PIEZO1: variants seen among roughly 807,000 people sequenced by gnomAD.
PIEZO1 encodes the protein piezo-type mechanosensitive ion channel component 1.
A neutral mutation model predicts 297.2 loss-of-function variants in PIEZO1; 296 were observed. The observed-to-expected ratio is 1.00, with a 90% CI of 0.91 to 1.10. The LOEUF (loss-of-function observed/expected upper bound fraction) is 1.10. Among genes scored for constraint, PIEZO1 ranks in the 50% least tolerant of loss-of-function variants. The pLI, the probability that PIEZO1 is intolerant of heterozygous loss-of-function variation, is 0.00. For missense variants in PIEZO1, 5,018 were observed against 3,455.5 expected, an observed-to-expected ratio of 1.45 and a Z score of -11.34; for synonymous variants, 2,427 against 1,507.5, an observed-to-expected ratio of 1.61 and a Z score of -14.13.
chr16:88,715,356 T>TAAATA lies in PIEZO1; in HGVS notation c.*244_*248dup. ...ACTGGCCTCTGATTGTCCATTTGTATAAATAAAACATTTTTTAATTAAAAA... is the reference window on the plus strand; with the variant it reads ...ACTGGCCTCTGATTGTCCATTTGTATAAATAAAATAAAACATTTTTTAATTAAAAA... On this transcript the variant is annotated 3_prime_UTR_variant, in exon 51 of 51. Coordinates refer to ENST00000301015, the MANE Select transcript of PIEZO1 (RefSeq NM_001142864.4). 9 of 1,240,742 alleles carry TAAATA rather than the reference T, an allele frequency of 7.3e-6. No homozygotes were observed. Among genetic ancestry groups the TAAATA allele is most frequent in the Non-Finnish European group, 1.0e-5 (9 of 903,776 alleles). 76.9% of individuals were successfully genotyped at this position (1,240,742 alleles called of 1,614,324 possible). A position where few individuals can be genotyped will look rare whatever the true frequency, so the allele number is the denominator to read the frequency against.
At chr16:88,717,857 G>A (rs976216698) in intron 44 of PIEZO1, 1 of 430,118 alleles carries the variant, frequency 2.3e-6, no homozygotes, top group Non-Finnish European at 4.6e-6. Flanking sequence ...CAACTGCTGG[G>A]TGTGGCGGCT....
intron 1 of PIEZO1, among the ~76,000 whole-genome samples, chr16:88,755,067 G>A (rs999165691): frequency 1.3e-5 from 2 of 152,086 alleles, no homozygotes; most frequent in Admixed American, 6.5e-5. Context: ...CGGCCATCAC[G>A]TCACCGCCGC....
chr16:88,728,094 G>T (rs544142467), intron 22 of PIEZO1, among the ~76,000 whole-genome samples: 2 of 152,370 alleles, frequency 1.3e-5, no homozygotes, highest in African/African-American at 4.8e-5. Flanking sequence ...GGATCCATGC[G>T]ACAGCCTAGA....
chr16:88,718,795 ACTC>A (rs1912225774), intron 44 of PIEZO1: 1 of 152,806 alleles, frequency 6.5e-6, no homozygotes, highest in Non-Finnish European at 1.5e-5. Flanking sequence ...GCAGCCCTGT[ACTC>A]CTGGCCTCAA....
chr16:88,723,150 T>A lies in PIEZO1; in HGVS notation c.4440A>T (p.Gly1480=), dbSNP rs752381535. 3.9e-6 allele frequency: 6 copies of A among 1,549,218 alleles called. No homozygotes were observed. In the South Asian group the frequency reaches 5.9e-5, roughly 15 times the overall value. ...GCTCCACCTCCTGGCTGGGACCACC[T>A]CCTGGGCACAGGATGCTGGTGAGTG... ...RQEQAGQLPT[G]GGPSQEVEPA... The change falls in exon 33 of 51, where the codon GGA becomes GGT. Residue 1480 remains glycine (G), a splice_region_variant and synonymous_variant. Transcript: ENST00000301015.
rs1458818902 is a variant in PIEZO1, at chr16:88,721,196, C to A, written c.5638G>T (p.Gly1880Cys). The change falls in exon 39 of 51, where the codon GGC becomes TGC. Residue 1880 changes from glycine (G) to cysteine (C), a missense_variant. Transcript: ENST00000301015. Reference protein sequence around the residue: ...SLRFRRRKKEGPARKGAAAIE... With the variant: ...SLRFRRRKKECPARKGAAAIE... ...GCTGCCGCTCCTTTCCGTGCTGGGC[C>A]CTCCTTCTTCCTTCTTCTAAAACGT... The A allele has an allele frequency of 3.9e-5, 58 of 1,504,506 alleles. No individual in the cohort carries two copies. The highest frequency in any genetic ancestry group is 2.2e-5 in the Non-Finnish European group (25 of 1,124,700). 93.2% of individuals were successfully genotyped at this position (1,504,506 alleles called of 1,614,324 possible).
At position 88,720,218 on chromosome 16, in the gene PIEZO1, C is replaced by T. The variant is rs1912331717; in HGVS notation, c.6015G>A (p.Leu2005=). The T allele has an allele frequency of 6.4e-7, 1 of 1,550,556 alleles. No homozygotes were observed. The highest frequency in any genetic ancestry group is 1.4e-5 in the African/African-American group (1 of 73,156). ...LSDDQVPEAF[L]VMLLIQFSTM... is the part of the protein sequence containing the mutation. ...TACTGAACTGGATCAGCAGCATGAC[C>T]AGGAAAGCCTCGGGTACCTGGTCGT... Residue 2005 remains leucine (L), a synonymous_variant, in exon 42 of 51, where the codon CTG becomes CTA. Coordinates refer to ENST00000301015, the MANE Select transcript of PIEZO1 (RefSeq NM_001142864.4).
At chr16:88,750,845 C>A (rs1273160979) in intron 1 of PIEZO1, among the ~76,000 whole-genome samples, 1 of 152,088 alleles carries the variant, frequency 6.6e-6, no homozygotes, top group East Asian at 1.9e-4. Flanking sequence ...ATCCTCCAGC[C>A]CACTATCCAC....
Position 88,715,810 on chromosome 16 carries a change from A to T in PIEZO1, c.7361T>A (p.Phe2454Tyr), listed in dbSNP as rs1378440707. The T allele has an allele frequency of 6.5e-7, 1 of 1,550,194 alleles. No homozygotes were observed. The highest frequency in any genetic ancestry group is 8.7e-7 in the Non-Finnish European group (1 of 1,146,960). ...GATCTCGCTGAAGAATCCGCGCACG[A>T]ACTTGCCGATGACCAGCACGATGGA... ...YVSIVLVIGK[F>Y]VRGFFSEISH... The change falls in exon 51 of 51, where the codon TTC becomes TAC. Residue 2454 changes from phenylalanine to tyrosine, a missense_variant. By Grantham distance (22) the Phe-to-Tyr change is conservative. Coordinates refer to ENST00000301015, the MANE Select transcript of PIEZO1 (RefSeq NM_001142864.4).
Position 88,731,853 on chromosome 16 carries a change from G to C in PIEZO1, c.3049C>G (p.Leu1017Val), listed in dbSNP as rs752844197. 2.0e-6 allele frequency: 3 copies of C among 1,492,416 alleles called. No individual in the cohort carries two copies. Among genetic ancestry groups the C allele is most frequent in the Non-Finnish European group, 2.7e-6 (3 of 1,116,756 alleles). 92.4% of individuals were successfully genotyped at this position (1,492,416 alleles called of 1,614,324 possible). A position where few individuals can be genotyped will look rare whatever the true frequency, so the allele number is the denominator to read the frequency against. Residue 1017 changes from leucine (L) to valine (V), a missense_variant, in exon 22 of 51, where the codon CTG becomes GTG. Physicochemically the swap from Leu to Val is conservative, Grantham distance 32 (BLOSUM62 1). Coordinates refer to ENST00000301015, the MANE Select transcript of PIEZO1 (RefSeq NM_001142864.4). ...ATGGCCACCAGCCAGCAACCGTGCA[G>C]GGTCACCAGAAAGTTCATGCGCTGC... is the stretch of plus-strand genomic sequence containing the variant. ...IGQRMNFLVT[L>V]HGCWLVAILT...
intron 1 of PIEZO1, among the ~76,000 whole-genome samples, chr16:88,750,348 AAC>A (rs1174507931): frequency 6.6e-6 from 1 of 152,210 alleles, no homozygotes; most frequent in Non-Finnish European, 1.5e-5. Context: ...AAAACAATCA[AAC>A]AAAAAAATGC....
At chr16:88,728,266 T>C (rs376110705) in intron 22 of PIEZO1, among the ~76,000 whole-genome samples, 2 of 152,356 alleles carry the variant, frequency 1.3e-5, no homozygotes, top group African/African-American at 4.8e-5. Context: ...CGGCCACACT[T>C]CCTGGGAGGC....
In PIEZO1 at chr16:88,719,806, G is replaced by C; in HGVS notation, c.6319C>G (p.Gln2107Glu). 1 of 1,550,524 alleles carries C rather than the reference G, an allele frequency of 6.4e-7. No homozygotes were observed. Among genetic ancestry groups the C allele is most frequent in the African/African-American group, 1.4e-5 (1 of 73,178 alleles). ...KYNHLNLFLF[Q>E]GFRLVPFLVE... Reference sequence around the variant, plus strand: ...CCCCGGCGGACCTGCACTCACCCCTGGAAGAGGAAGAGGTTGAGATGATTG... The same window carrying C: ...CCCCGGCGGACCTGCACTCACCCCTCGAAGAGGAAGAGGTTGAGATGATTG... The change falls in exon 43 of 51, where the codon CAG becomes GAG. Residue 2107 changes from glutamine to glutamate, a missense_variant. Transcript: ENST00000301015.
intron 5 of PIEZO1, chr16:88,741,200 A>C (rs750739): frequency 1.9e-4 from 61 of 323,956 alleles, no homozygotes; most frequent in Middle Eastern, 9.6e-4. Context: ...GCGTGGCCCC[A>C]AATAATTCCC....
intron 1 of PIEZO1, among the ~76,000 whole-genome samples, chr16:88,759,569 G>A (rs1434368594): frequency 2.0e-5 from 3 of 152,222 alleles, no homozygotes; most frequent in Non-Finnish European, 4.4e-5. Context: ...AAGAGCAGAC[G>A]TGGTACAGGC....
chr16:88,751,836 C>G (rs1372327930), intron 1 of PIEZO1, among the ~76,000 whole-genome samples: 1 of 152,234 alleles, frequency 6.6e-6, no homozygotes, highest in African/African-American at 2.4e-5. Flanking sequence ...CCCCTCTGCA[C>G]CTGTCCAGCC....
At position 88,725,090 on chromosome 16, in the gene PIEZO1, G is replaced by A. The variant is rs1037257335; in HGVS notation, c.4163-10C>T. 7 of 1,506,502 alleles carry A rather than the reference G, an allele frequency of 4.6e-6. No individual in the cohort carries two copies. Among genetic ancestry groups the A allele is most frequent in the Non-Finnish European group, 4.4e-6 (5 of 1,130,216 alleles). The allele number at this position is 1,506,502 out of a possible 1,614,324, so 93.3% of individuals were successfully genotyped here. A position where few individuals can be genotyped will look rare whatever the true frequency, so the allele number is the denominator to read the frequency against. Reference sequence around the variant, plus strand: ...CCTGGACTGTCGGGCCCTGTGGAGGGGCAGGGTGAGCATGAGGCAGCAGTC... The same window carrying A: ...CCTGGACTGTCGGGCCCTGTGGAGGAGCAGGGTGAGCATGAGGCAGCAGTC... On this transcript the variant is annotated splice_polypyrimidine_tract_variant and intron_variant, in intron 29 of 50. Transcript: ENST00000301015.
chr16:88,754,242 G>T (rs1217991329), intron 1 of PIEZO1, among the ~76,000 whole-genome samples: 1 of 152,206 alleles, frequency 6.6e-6, no homozygotes, highest in Non-Finnish European at 1.5e-5. Flanking sequence ...CACGGTAGCT[G>T]CTGGGCCCCT....
chr16:88,733,886 G>A lies in PIEZO1; in HGVS notation c.2329+20C>T. 6.8e-7 allele frequency: 1 copy of A among 1,479,406 alleles called. No individual in the cohort carries two copies. Among genetic ancestry groups the A allele is most frequent in the Non-Finnish European group, 9.0e-7 (1 of 1,108,746 alleles). 91.6% of individuals were successfully genotyped at this position (1,479,406 alleles called of 1,614,324 possible). On this transcript the variant is annotated intron_variant, in intron 17 of 50. Transcript: ENST00000301015. The stretch of plus-strand genomic sequence containing the variant: ...GCACAGCAGACTGGGTGGCAGCTGT[G>A]CTCTGCCCGCCCAACCCACCTTCAG...
Sources: allele counts gnomAD v4.1 joint callset (sites outside exome capture counted in the v4.1 genomes callset), GRCh38; gene constraint gnomAD v4.1.1; transcripts MANE v1.5; gene names NCBI Gene and HGNC (gene_info 2026-07-23, HGNC 2026-07-21).